SPON2: variants seen among roughly 807,000 people sequenced by gnomAD.
SPON2 encodes the protein spondin 2.
SPON2 carries 32 observed loss-of-function variants against 29.9 expected under a neutral mutation model. That is an observed-to-expected ratio of 1.07 (90% CI 0.81 to 1.44). The LOEUF is 1.44. Among genes scored for constraint, SPON2 ranks in the 40% most tolerant of loss-of-function variants. The pLI, the probability that SPON2 is intolerant of heterozygous loss-of-function variation, is 0.00. For missense variants in SPON2, 541 were observed against 455.5 expected, an observed-to-expected ratio of 1.19 and a Z score of -1.71; for synonymous variants, 248 against 209.1, an observed-to-expected ratio of 1.19 and a Z score of -1.61.
chr4:1,191,500 G>A (rs1216147343), intron 1 of SPON2, among the ~76,000 whole-genome samples: 2 of 152,194 alleles, frequency 1.3e-5, no homozygotes, highest in East Asian at 1.9e-4. Flanking sequence ...AGTAAAAGTC[G>A]TGAGTTTTGG....
chr4:1,176,822 A>G (rs1036945731), upstream of SPON2, among the ~76,000 whole-genome samples: 1 of 152,186 alleles, frequency 6.6e-6, no homozygotes, highest in Admixed American at 6.5e-5. Flanking sequence ...TCCACAGTTC[A>G]TTCATTCATT....
chr4:1,185,982 C>G (rs746127726), intron 1 of SPON2, among the ~76,000 whole-genome samples: 12 of 151,808 alleles, frequency 7.9e-5, no homozygotes, highest in Admixed American at 7.2e-4. Context: ...TGGTGGCTCA[C>G]GCCTGTAATC....
intron 1 of SPON2, among the ~76,000 whole-genome samples, chr4:1,179,714 C>A (rs1727671606): frequency 6.6e-6 from 1 of 152,038 alleles, no homozygotes; most frequent in African/African-American, 2.4e-5. Context: ...AAATTAACAA[C>A]CTACATTTGT....
chr4:1,171,615 C>A, intron 2 of SPON2, 129 bp from the exon 3 acceptor site: 3 of 1,035,010 alleles, frequency 2.9e-6, no homozygotes, highest in Non-Finnish European at 1.4e-6. Flanking sequence ...CACGTCGGAC[C>A]GTGACACCCT....
At chr4:1,167,754 G>A in intron 5 of SPON2, 98 bp from the exon 6 acceptor site, 4 of 1,345,802 alleles carry the variant, frequency 3.0e-6, no homozygotes, top group South Asian at 1.5e-5. Context: ...ATTCATCAGA[G>A]GCCACGCCCA....
intron 1 of SPON2, among the ~76,000 whole-genome samples, chr4:1,192,628 G>A (rs59740182): frequency 0.013 from 2,014 of 152,300 alleles, 34 homozygotes; most frequent in African/African-American, 0.045. Flanking sequence ...GCTGCCCGGG[G>A]CAAACAAAGA....
intron 1 of SPON2, among the ~76,000 whole-genome samples, chr4:1,181,136 C>G (rs922204409): frequency 6.6e-6 from 1 of 152,102 alleles, no homozygotes; most frequent in African/African-American, 2.4e-5. Flanking sequence ...TTGAAGGCAT[C>G]AAGAGAGAAG....
chr4:1,189,638 CAA>C (rs61543201), intron 1 of SPON2, among the ~76,000 whole-genome samples: 10 of 60,266 alleles, frequency 1.7e-4, no homozygotes, highest in Middle Eastern at 0.017. Flanking sequence ...GACCCTGTCT[CAA>C]AAAAAAAAAA....
Position 1,194,407 on chromosome 4 carries a change from G to A in SPON2, c.-239+583C>T, listed in dbSNP as rs563412440. ...GCCTGGGACCAGCCCCCGGGGGACA[G>A]CGACGGCCCCAGGCCTGGAGGACCG... is the stretch of plus-strand genomic sequence containing the variant. On this transcript the variant is annotated intron_variant, in intron 1 of 3. Coordinates refer to the SPON2 transcript ENST00000502483. 2.4e-3 allele frequency among the ~76,000 whole-genome samples: 373 copies of A among 152,278 alleles called. 1 individual carries two copies. Among genetic ancestry groups the A allele is most frequent in the African/African-American group, 8.8e-3 (364 of 41,560 alleles).
At chr4:1,176,475 T>A (rs1312096458), upstream of SPON2, among the ~76,000 whole-genome samples, 1 of 151,990 alleles carries the variant, frequency 6.6e-6, no homozygotes, top group Non-Finnish European at 1.5e-5. Flanking sequence ...CATTCATTCA[T>A]CCATTCACAC....
chr4:1,180,887 A>G (rs573705091), intron 1 of SPON2, among the ~76,000 whole-genome samples: 2 of 152,370 alleles, frequency 1.3e-5, no homozygotes, highest in African/African-American at 4.8e-5. Flanking sequence ...CCTGTGTGAC[A>G]TCATCAAACA....
upstream of SPON2, among the ~76,000 whole-genome samples, chr4:1,195,580 G>A (rs1007836310): frequency 9.2e-5 from 14 of 152,152 alleles, no homozygotes; most frequent in African/African-American, 2.2e-4. Flanking sequence ...GCAGCCCCTC[G>A]AGTAGCCCTC....
Position 1,170,416 on chromosome 4 carries a change from A to G in SPON2, c.797T>C (p.Val266Ala), listed in dbSNP as rs1157294260. The change falls in exon 5 of 6, where the codon GTA (valine) becomes GCA (alanine). Residue 266 changes from valine to alanine, a missense_variant. Transcript: ENST00000290902. Reference sequence around the variant, plus strand: ...ATGTCCGTTACCTGAGGCGCTGTCTACAATCTCATTGTCCCTGCTGGGCAG... The same window carrying G: ...ATGTCCGTTACCTGAGGCGCTGTCTGCAATCTCATTGTCCCTGCTGGGCAG... ...PVLPSRDNEI[V>A]DSASVPETPL... 1.9e-6 allele frequency: 3 copies of G among 1,613,338 alleles called. No individual in the cohort carries two copies. Among genetic ancestry groups the G allele is most frequent in the East Asian group, 2.2e-5 (1 of 44,864 alleles).
intron 1 of SPON2, chr4:1,207,803 T>C (rs1331570558): frequency 6.5e-6 from 1 of 154,234 alleles, no homozygotes; most frequent in Non-Finnish European, 1.4e-5. Flanking sequence ...CTTGGCCCGT[T>C]TGAAGGTCGG....
rs144512808 is a variant in SPON2, at chr4:1,167,565, C to T, written c.903G>A (p.Arg301=). The stretch of plus-strand genomic sequence containing the variant: ...CGGGCTGGACCCGGACGTAGCGAGT[C>T]CTGCTCTTGGTCCCGAGCCTCCCAC... The part of the protein sequence containing the change: ...GHCGRLGTKS[R]TRYVRVQPAN... The change falls in exon 6 of 6, where the codon AGG becomes AGA. Residue 301 remains arginine (R), a synonymous_variant. Coordinates refer to ENST00000290902, the MANE Select transcript of SPON2 (RefSeq NM_012445.4). The T allele has an allele frequency of 5.0e-6, 8 of 1,613,480 alleles. No homozygotes were observed. In the African/African-American group the frequency reaches 6.7e-5, roughly 13 times the overall value.
At chr4:1,170,153 C>T (rs983301074) in intron 5 of SPON2, 1 of 483,364 alleles carries the variant, frequency 2.1e-6, no homozygotes, top group South Asian at 2.5e-5. Context: ...CAGGTACTGT[C>T]TGGAGCCTCC....
intron 1 of SPON2, among the ~76,000 whole-genome samples, chr4:1,180,853 G>A (rs1217066204): frequency 6.6e-6 from 1 of 152,116 alleles, no homozygotes; most frequent in Non-Finnish European, 1.5e-5. Flanking sequence ...AAAGAATGAA[G>A]AGAACTGACC....
chr4:1,176,370 A>G (rs772898481), upstream of SPON2, among the ~76,000 whole-genome samples: 74 of 152,052 alleles, frequency 4.9e-4, no homozygotes, highest in Non-Finnish European at 1.8e-4. Context: ...CCCCCCACAT[A>G]CACACACAGT....
At chr4:1,172,099 G>A (rs372132015) in intron 1 of SPON2, 25 bp from the exon 2 acceptor site, 29 of 1,596,526 alleles carry the variant, frequency 1.8e-5, no homozygotes, top group Admixed American at 3.4e-5. Context: ...GGGAGCAGCC[G>A]CGCGCTGGCA....
Sources: allele counts gnomAD v4.1 joint callset (sites outside exome capture counted in the v4.1 genomes callset), GRCh38; gene constraint gnomAD v4.1.1; transcripts MANE v1.5; gene names NCBI Gene and HGNC (gene_info 2026-07-23, HGNC 2026-07-21).